OCA2: variants seen among roughly 807,000 people sequenced by gnomAD.
OCA2 encodes the protein OCA2 melanosomal transmembrane protein.
A neutral mutation model predicts 100.2 loss-of-function variants in OCA2; 77 were observed. The ratio of observed to expected loss-of-function variants is 0.77; its 90% CI spans 0.64 to 0.93. The LOEUF (loss-of-function observed/expected upper bound fraction) is 0.93, where lower values mean the gene tolerates loss of function less well. Among genes scored for constraint, OCA2 ranks in the 40% least tolerant of loss-of-function variants. The pLI, the probability that OCA2 is intolerant of heterozygous loss-of-function variation, is 0.00. For synonymous variants in OCA2, 432 were observed against 439.2 expected, an observed-to-expected ratio of 0.98 and a Z score of 0.21; for missense variants, 1,062 against 1,089.1, an observed-to-expected ratio of 0.98 and a Z score of 0.35.
At chr15:27,751,795 T>C (rs1176182517), downstream of OCA2, among the ~76,000 whole-genome samples, 2 of 152,212 alleles carry the variant, frequency 1.3e-5, no homozygotes, top group East Asian at 3.9e-4. Flanking sequence ...CCTGCCTTCC[T>C]GTTCTGACTA....
chr15:27,842,188 G>C (rs907105717), intron 23 of OCA2, among the ~76,000 whole-genome samples: 2 of 152,192 alleles, frequency 1.3e-5, no homozygotes, highest in African/African-American at 4.8e-5. Flanking sequence ...TTGTTAAGAT[G>C]CTCACAATAG....
intron 2 of OCA2, among the ~76,000 whole-genome samples, chr15:28,041,821 CAT>C (rs1288377141): frequency 3.3e-5 from 5 of 152,118 alleles, no homozygotes; most frequent in Non-Finnish European, 7.4e-5. Flanking sequence ...AGAATACACA[CAT>C]GATGCAATTT....
intron 2 of OCA2, among the ~76,000 whole-genome samples, chr15:28,074,706 G>T (rs1325632853): frequency 6.6e-6 from 1 of 150,954 alleles, no homozygotes; most frequent in Non-Finnish European, 1.5e-5. Flanking sequence ...AATTAGCTGG[G>T]TGCAGTGGTG....
chr15:27,911,739 C>T (rs1465784198), intron 19 of OCA2, among the ~76,000 whole-genome samples: 1 of 152,156 alleles, frequency 6.6e-6, no homozygotes, highest in East Asian at 1.9e-4. Flanking sequence ...TTCCATGAGG[C>T]CCCACCTTCA....
intron 7 of OCA2, among the ~76,000 whole-genome samples, chr15:28,017,327 ACC>A (rs1259000818): frequency 2.0e-5 from 3 of 151,998 alleles, no homozygotes; most frequent in Admixed American, 6.5e-5. Flanking sequence ...AGGAAGGGCC[ACC>A]CCAAGAGAGC....
chr15:27,745,973 C>T, the OCA2 span, among the ~76,000 whole-genome samples: 7 of 152,302 alleles, frequency 4.6e-5, no homozygotes, highest in African/African-American at 7.2e-5. Flanking sequence ...ACACCTTACA[C>T]GTATTGCTTG....
intron 19 of OCA2, among the ~76,000 whole-genome samples, chr15:27,892,137 C>A (rs2037487912): frequency 6.6e-6 from 1 of 152,090 alleles, no homozygotes; most frequent in South Asian, 2.1e-4. Context: ...AAATAACTCA[C>A]CCTCAGAAAC....
At chr15:27,814,631 A>G (rs11074308) in intron 23 of OCA2, among the ~76,000 whole-genome samples, 21,712 of 152,160 alleles carry the variant, frequency 0.14, 2,314 homozygotes, top group East Asian at 0.54. Context: ...AAATCCCAAC[A>G]CATTGGGAGG....
chr15:27,817,734 CAGTGG>C (rs753611985), intron 23 of OCA2, among the ~76,000 whole-genome samples: 1 of 152,270 alleles, frequency 6.6e-6, no homozygotes, highest in Non-Finnish European at 1.5e-5. Flanking sequence ...CCTGCTGTCT[CAGTGG>C]AGTGGATCTG....
chr15:27,785,873 T>C (rs989554357), intron 23 of OCA2, among the ~76,000 whole-genome samples: 14 of 152,130 alleles, frequency 9.2e-5, no homozygotes, highest in Admixed American at 9.2e-4. Context: ...AAACAAACTG[T>C]GGTATAAACA....
chr15:27,752,100 C>T (rs1042238379), downstream of OCA2, among the ~76,000 whole-genome samples: 1 of 152,168 alleles, frequency 6.6e-6, no homozygotes, highest in Non-Finnish European at 1.5e-5. Flanking sequence ...TGCGTGGGGC[C>T]GTGTGTCAAA....
At chr15:28,069,198 G>C (rs947607011) in intron 2 of OCA2, among the ~76,000 whole-genome samples, 13 of 151,882 alleles carry the variant, frequency 8.6e-5, no homozygotes, top group African/African-American at 2.9e-4. Flanking sequence ...AAATCCTAAA[G>C]ACTCCTAGAA....
intron 2 of OCA2, among the ~76,000 whole-genome samples, chr15:28,039,763 G>A (rs779453879): frequency 3.9e-5 from 6 of 152,176 alleles, no homozygotes; most frequent in Non-Finnish European, 5.9e-5. Flanking sequence ...GGCCAGGCGC[G>A]GTGGCTCATG....
intron 14 of OCA2, among the ~76,000 whole-genome samples, chr15:27,969,905 T>A (rs371934014): frequency 2.8e-4 from 40 of 144,424 alleles, no homozygotes; most frequent in East Asian, 6.1e-4. Flanking sequence ...TGTGAAAATT[T>A]AAAAAAAAAA....
chr15:27,815,929 C>T (rs1423953063), intron 23 of OCA2, among the ~76,000 whole-genome samples: 10 of 152,096 alleles, frequency 6.6e-5, no homozygotes, highest in African/African-American at 1.9e-4. Context: ...GTCAGGAGTT[C>T]GAGACCAGCC....
chr15:27,744,939 T>G, the OCA2 span, among the ~76,000 whole-genome samples: 2 of 120,786 alleles, frequency 1.7e-5, no homozygotes, highest in Non-Finnish European at 2.0e-5. Context: ...GCAGACCCTT[T>G]GTAGCAGTAA....
intron 2 of OCA2, among the ~76,000 whole-genome samples, chr15:28,062,570 A>G (rs2043906477): frequency 6.6e-6 from 1 of 152,174 alleles, no homozygotes; most frequent in Non-Finnish European, 1.5e-5. Flanking sequence ...CTTTTTGATA[A>G]AGTCCAATTT....
the OCA2 span, among the ~76,000 whole-genome samples, chr15:27,739,837 G>A: frequency 6.6e-6 from 1 of 152,042 alleles, no homozygotes; most frequent in Non-Finnish European, 1.5e-5. Context: ...CTCCCTCCAT[G>A]CACCCATGAA....
intron 19 of OCA2, among the ~76,000 whole-genome samples, chr15:27,922,154 T>C (rs1466640262): frequency 6.6e-6 from 1 of 152,240 alleles, no homozygotes; most frequent in Non-Finnish European, 1.5e-5. Flanking sequence ...CTATGGTACA[T>C]ATCAAGCAAT....
Sources: allele counts gnomAD v4.1 joint callset (sites outside exome capture counted in the v4.1 genomes callset), GRCh38; gene constraint gnomAD v4.1.1; transcripts MANE v1.5; gene names NCBI Gene and HGNC (gene_info 2026-07-23, HGNC 2026-07-21).